Variants in NOL4 observed in about 807,000 individuals in gnomAD.
The protein encoded by NOL4 is nucleolar protein 4.
In NOL4, 17 loss-of-function variants were observed where a neutral mutation model predicts 75.9. That is an observed-to-expected ratio of 0.22 (90% CI 0.15 to 0.34). The LOEUF is 0.34. Ranked by LOEUF, NOL4 falls within the 10% of genes least tolerant of loss-of-function variation. The probability of loss-of-function intolerance (pLI) is 1.00; values close to 1 mark genes in which losing one functional copy is unlikely to be tolerated. For synonymous variants in NOL4, 292 were observed against 289.9 expected (o/e 1.01, Z -0.07); for missense variants, 614 against 793.5 (o/e 0.77, Z 2.72).
chr18:34,121,333 A>G (rs2080131332), intron 2 of NOL4: 1 of 152,254 alleles, frequency 6.6e-6, no homozygotes, highest in Middle Eastern at 3.4e-3. Context: ...GAGAACCACA[A>G]AGAATGCCAC....
At chr18:34,157,484 A>G (rs538660206) in intron 1 of NOL4, among the ~76,000 whole-genome samples, 1 of 152,284 alleles carries the variant, frequency 6.6e-6, no homozygotes, top group Non-Finnish European at 1.5e-5. Flanking sequence ...AGAATTGTCC[A>G]TGAAGTAGCT....
intron 10 of NOL4, among the ~76,000 whole-genome samples, chr18:33,869,047 A>G (rs2063567211): frequency 6.6e-6 from 1 of 151,848 alleles, no homozygotes; most frequent in Admixed American, 6.6e-5. Context: ...GCTTCCTATC[A>G]CTATCAATAA....
chr18:33,878,835 T>C (rs1321625929), intron 10 of NOL4, among the ~76,000 whole-genome samples: 1 of 152,114 alleles, frequency 6.6e-6, no homozygotes, highest in African/African-American at 2.4e-5. Context: ...TGTACTGATT[T>C]TACATCTGTG....
intron 6 of NOL4, among the ~76,000 whole-genome samples, chr18:33,986,714 AT>A (rs2072488719): frequency 6.6e-6 from 1 of 152,126 alleles, no homozygotes; most frequent in Non-Finnish European, 1.5e-5. Flanking sequence ...TCAGTTGGGC[AT>A]TTTTAAAAAA....
intron 1 of NOL4, chr18:34,222,006 A>G (rs1466491643): frequency 6.5e-7 from 1 of 1,532,306 alleles, no homozygotes. Context: ...TCCCTACTCC[A>G]GGCGAGTACC....
Position 33,870,846 on chromosome 18 carries a change from G to A in NOL4, c.1723+12398C>T, listed in dbSNP as rs148470123. Among the ~76,000 whole-genome samples, 878 of 152,140 alleles carry A rather than the reference G, an allele frequency of 5.8e-3. 7 individuals are homozygous for A. Among genetic ancestry groups the A allele is most frequent in the Non-Finnish European group, 9.3e-3 (631 of 67,982 alleles). ...TAGATCCATTCAGAACACACAAGAG[G>A]ATTATATTTCCTAATGGATTTAAAT... On this transcript the variant is annotated intron_variant, in intron 10 of 10. Coordinates refer to ENST00000261592, the MANE Select transcript of NOL4 (RefSeq NM_003787.5).
intron 5 of NOL4, among the ~76,000 whole-genome samples, chr18:34,092,271 C>T (rs1020064804): frequency 6.6e-6 from 1 of 152,050 alleles, no homozygotes; most frequent in Non-Finnish European, 1.5e-5. Context: ...AGAAAAACTT[C>T]ATTCTTATAA....
In NOL4 at chr18:34,019,751, T is replaced by C; in HGVS notation, c.773-150A>G. On this transcript the variant is annotated intron_variant, in intron 5 of 10. Coordinates refer to ENST00000261592, the MANE Select transcript of NOL4 (RefSeq NM_003787.5). The stretch of plus-strand genomic sequence containing the variant: ...CAGCAATAAGCTTGTAAAGCAGTTA[T>C]TGTTATTTTTAATCTAGTAGGCACA... 3 of 708,068 alleles carry C rather than the reference T, an allele frequency of 4.2e-6. No individual in the cohort carries two copies. In the South Asian group the frequency reaches 6.3e-5, roughly 15 times the overall value. 43.9% of individuals were successfully genotyped at this position (708,068 alleles called of 1,614,324 possible). A position where few individuals can be genotyped will look rare whatever the true frequency, so the allele number is the denominator to read the frequency against.
chr18:34,145,037 T>C (rs1336836564), intron 1 of NOL4, among the ~76,000 whole-genome samples: 1 of 152,166 alleles, frequency 6.6e-6, no homozygotes, highest in African/African-American at 2.4e-5. Context: ...CCACTGTATC[T>C]GCTTTGGAGG....
intron 5 of NOL4, among the ~76,000 whole-genome samples, chr18:34,069,645 C>T (rs1015047541): frequency 6.6e-6 from 1 of 151,844 alleles, no homozygotes; most frequent in African/African-American, 2.4e-5. Context: ...AGAAGAGAGA[C>T]AAAATGAACA....
chr18:33,959,057 G>C (rs1474512058), intron 6 of NOL4, among the ~76,000 whole-genome samples: 3 of 151,964 alleles, frequency 2.0e-5, no homozygotes, highest in African/African-American at 7.3e-5. Flanking sequence ...ATGGGAACCG[G>C]GTTTCTTCCT....
chr18:34,060,298 C>T (rs933541180), intron 5 of NOL4, among the ~76,000 whole-genome samples: 13 of 152,066 alleles, frequency 8.5e-5, no homozygotes, highest in Non-Finnish European at 1.3e-4. Context: ...AATTATTCTC[C>T]ATTTGAATAT....
chr18:33,886,928 CTA>C (rs1486942163), intron 9 of NOL4, among the ~76,000 whole-genome samples: 1 of 109,264 alleles, frequency 9.2e-6, no homozygotes, highest in Non-Finnish European at 2.0e-5. Flanking sequence ...ACATATATAT[CTA>C]TATATCTATA....
chr18:34,122,199 G>A (rs1394842703), intron 2 of NOL4, among the ~76,000 whole-genome samples: 1 of 152,090 alleles, frequency 6.6e-6, no homozygotes, highest in African/African-American at 2.4e-5. Flanking sequence ...ACATTCCCAG[G>A]AAAATGAGGG....
In NOL4 at chr18:34,091,614, G is replaced by A. The variant is rs968616556; in HGVS notation, c.772+1851C>T. 3.3e-5 allele frequency among the ~76,000 whole-genome samples: 5 copies of A among 152,132 alleles called. No homozygotes were observed. The South Asian group carries it at 1.0e-3, about 32-fold the overall frequency. ...TTCTTTATAAATGACTCAGTCTCAG[G>A]TATTTTGCTGTAGCAGCAGAAACGG... On this transcript the variant is annotated intron_variant, in intron 5 of 10. Coordinates refer to ENST00000261592, the MANE Select transcript of NOL4 (RefSeq NM_003787.5).
At chr18:34,017,858 T>C (rs892084605) in intron 6 of NOL4, among the ~76,000 whole-genome samples, 11 of 152,152 alleles carry the variant, frequency 7.2e-5, no homozygotes, top group Non-Finnish European at 1.5e-4. Context: ...AATTATTAAG[T>C]GCATCAGGGG....
chr18:34,059,350 A>G (rs918346302), intron 5 of NOL4, among the ~76,000 whole-genome samples: 1 of 151,954 alleles, frequency 6.6e-6, no homozygotes, highest in African/African-American at 2.4e-5. Context: ...TTCTCTGGAC[A>G]CACCACACTC....
intron 1 of NOL4, among the ~76,000 whole-genome samples, chr18:34,133,716 A>C (rs1385485668): frequency 1.3e-5 from 2 of 152,110 alleles, no homozygotes; most frequent in Non-Finnish European, 2.9e-5. Context: ...AAAGAAAGAG[A>C]ACCAAAAAGG....
At chr18:34,083,296 A>G (rs2078094461) in intron 5 of NOL4, among the ~76,000 whole-genome samples, 1 of 152,154 alleles carries the variant, frequency 6.6e-6, no homozygotes, top group African/African-American at 2.4e-5. Context: ...GGGAGGAAAA[A>G]GGAGGAAACA....
Sources: gnomAD v4.1 joint callset for allele counts (sites outside exome capture counted in the v4.1 genomes callset) on GRCh38, gnomAD v4.1.1 for gene constraint, MANE v1.5 for transcripts, NCBI Gene and HGNC (gene_info 2026-07-23, HGNC 2026-07-21) for gene names.